FAM168A: variants seen among roughly 807,000 people sequenced by gnomAD.
FAM168A encodes the protein protein FAM168A.
FAM168A carries 3 observed loss-of-function variants against 28.5 expected under a neutral mutation model. That is an observed-to-expected ratio of 0.11 (90% CI 0.05 to 0.27). The LOEUF (loss-of-function observed/expected upper bound fraction) is 0.27, where lower values mean the gene tolerates loss of function less well. Among genes scored for constraint, FAM168A ranks in the 10% least tolerant of loss-of-function variants. The pLI is 1.00. For synonymous variants in FAM168A, 122 were observed against 124.2 expected, an observed-to-expected ratio of 0.98 and a Z score of 0.12; for missense variants, 222 against 311.5, an observed-to-expected ratio of 0.71 and a Z score of 2.16.
At chr11:73,466,029 T>C (rs1332217350) in intron 2 of FAM168A, among the ~76,000 whole-genome samples, 1 of 152,158 alleles carries the variant, frequency 6.6e-6, no homozygotes, top group Non-Finnish European at 1.5e-5. Flanking sequence ...CTTACTGGAA[T>C]ACTGCACCAC....
chr11:73,430,970 C>T (rs1196368757), intron 2 of FAM168A, among the ~76,000 whole-genome samples, 200 bp from the exon 3 acceptor site: 1 of 152,050 alleles, frequency 6.6e-6, no homozygotes, highest in Non-Finnish European at 1.5e-5. Context: ...ATACCAAAAT[C>T]CCAATATATG....
At chr11:73,520,912 A>C (rs1199763778) in intron 1 of FAM168A, among the ~76,000 whole-genome samples, 2 of 152,118 alleles carry the variant, frequency 1.3e-5, no homozygotes, top group African/African-American at 4.8e-5. Flanking sequence ...AGCAGCTAAA[A>C]AAAAAAACAG....
rs1274174532 is a variant in FAM168A, at chr11:73,526,115, A to G, written c.-18-57623T>C. On this transcript the variant is annotated intron_variant, in intron 1 of 7. Transcript: ENST00000356467. ...AAAATCAAAAATATTTGCACCATGT[A>G]TATCAAAAGAATTAATACTCTTAAC... Among the ~76,000 whole-genome samples the G allele has an allele frequency of 2.6e-5, 4 of 152,226 alleles. No individual in the cohort carries two copies. In the East Asian group the frequency reaches 7.7e-4, roughly 29 times the overall value.
In FAM168A at chr11:73,445,419, C is replaced by CTTTTTTTTTTTTTTTTTTT. The variant is rs56294455; in HGVS notation, c.71-14668_71-14650dup. ...CCAGTAGATATATGTAAAAATGTCTCTTTTTTTTTTTTTTTTTTTTTTTTT... is the reference window on the plus strand; with the variant it reads ...CCAGTAGATATATGTAAAAATGTCTCTTTTTTTTTTTTTTTTTTTTTTTTTTTTTTTTTTTTTTTTTTTT... On this transcript the variant is annotated intron_variant, in intron 2 of 7. Coordinates refer to ENST00000356467, the MANE Select transcript of FAM168A (RefSeq NM_015159.3). Among the ~76,000 whole-genome samples, 30 of 50,458 alleles carry CTTTTTTTTTTTTTTTTTTT rather than the reference C, an allele frequency of 5.9e-4. 3 individuals are homozygous for CTTTTTTTTTTTTTTTTTTT. The highest frequency in any genetic ancestry group is 1.4e-3 in the African/African-American group (19 of 14,030). The allele number at this position is 50,458 out of a possible 152,430, so 33.1% of individuals were successfully genotyped here.
chr11:73,412,741 CT>C (rs1331800369), intron 4 of FAM168A, among the ~76,000 whole-genome samples: 1 of 152,180 alleles, frequency 6.6e-6, no homozygotes, highest in Non-Finnish European at 1.5e-5. Flanking sequence ...TGGGGAGGTG[CT>C]GAGGTGGCTT....
intron 1 of FAM168A, among the ~76,000 whole-genome samples, chr11:73,513,507 G>A (rs1164632898): frequency 6.6e-6 from 1 of 151,568 alleles, no homozygotes; most frequent in Admixed American, 6.6e-5. Flanking sequence ...TGAGCACCGC[G>A]CCCCACCCAG....
At chr11:73,470,092 T>C (rs891675078) in intron 1 of FAM168A, among the ~76,000 whole-genome samples, 1 of 152,190 alleles carries the variant, frequency 6.6e-6, no homozygotes, top group South Asian at 2.1e-4. Flanking sequence ...TTTGTATTTT[T>C]AGTAGACAGG....
At chr11:73,582,773 G>C (rs570507211) in intron 1 of FAM168A, among the ~76,000 whole-genome samples, 1 of 152,278 alleles carries the variant, frequency 6.6e-6, no homozygotes, top group South Asian at 2.1e-4. Flanking sequence ...GCAATCATAA[G>C]GTCCCGTCTT....
intron 1 of FAM168A, among the ~76,000 whole-genome samples, chr11:73,574,155 CTTAATACTAAT>C (rs1471125685): frequency 6.6e-6 from 1 of 152,144 alleles, no homozygotes; most frequent in Non-Finnish European, 1.5e-5. Context: ...CTAAGCCCCA[CTTAATACTAAT>C]TATGAATGTC....
chr11:73,471,296 T>C (rs1471475897), intron 1 of FAM168A, among the ~76,000 whole-genome samples: 1 of 152,180 alleles, frequency 6.6e-6, no homozygotes, highest in Non-Finnish European at 1.5e-5. Flanking sequence ...GGTAGTCCTT[T>C]AACTTCTGAG....
chr11:73,424,943 G>A, intron 3 of FAM168A: 1 of 1,212,466 alleles, frequency 8.2e-7, no homozygotes, highest in Non-Finnish European at 1.1e-6. Flanking sequence ...TTGGGGAGGA[G>A]AGGAGAGGGG....
chr11:73,453,885 T>C (rs1028967051), intron 2 of FAM168A, among the ~76,000 whole-genome samples: 1 of 152,216 alleles, frequency 6.6e-6, no homozygotes, highest in Non-Finnish European at 1.5e-5. Context: ...TCACCATTGA[T>C]TAAGGACCAT....
chr11:73,574,755 G>T (rs1212519112), intron 1 of FAM168A, among the ~76,000 whole-genome samples: 1 of 140,386 alleles, frequency 7.1e-6, no homozygotes, highest in East Asian at 2.1e-4. Flanking sequence ...GTAGAGAAAA[G>T]GTTTCACCAT....
Position 73,412,352 on chromosome 11 carries a change from T to C in FAM168A, c.278-816A>G, listed in dbSNP as rs1385797076. 2.6e-5 allele frequency: 4 copies of C among 152,210 alleles called. No homozygotes were observed. The East Asian group carries it at 7.7e-4, about 29-fold the overall frequency. 9.4% of individuals were successfully genotyped at this position (152,210 alleles called of 1,614,324 possible). A position where few individuals can be genotyped will look rare whatever the true frequency, so the allele number is the denominator to read the frequency against. Reference sequence around the variant, plus strand: ...TCACATCAACCTGGAACCTGGGCCATGTCTGTCCCTCAGCAGGATGGACAA... The same window carrying C: ...TCACATCAACCTGGAACCTGGGCCACGTCTGTCCCTCAGCAGGATGGACAA... On this transcript the variant is annotated intron_variant, in intron 4 of 7. Transcript: ENST00000356467.
At position 73,596,099 on chromosome 11, in the gene FAM168A, AAG is replaced by A. The variant is rs1444276883; in HGVS notation, c.-19+1822_-19+1823del. The stretch of plus-strand genomic sequence containing the variant: ...ATGGCGTCTTCAAGCAATCAATTTA[AAG>A]AGGGGGTAAAAAAGGCCCAAGCTCT... On this transcript the variant is annotated intron_variant, in intron 1 of 7. Transcript: ENST00000356467. 3.3e-5 allele frequency among the ~76,000 whole-genome samples: 5 copies of A among 152,318 alleles called. No individual in the cohort carries two copies. The East Asian group carries it at 9.6e-4, about 29-fold the overall frequency.
Position 73,520,840 on chromosome 11 carries a change from G to T in FAM168A, c.-18-52348C>A, listed in dbSNP as rs112892576. Among the ~76,000 whole-genome samples the T allele has an allele frequency of 7.1e-3, 1,082 of 151,714 alleles. 13 individuals are homozygous for T. The highest frequency in any genetic ancestry group is 0.023 in the African/African-American group (946 of 41,332). The stretch of plus-strand genomic sequence containing the variant: ...GCCATTCAAAAAAAAAAAAGATGTG[G>T]TTATATATTATTTTAAACCACTGTC... On this transcript the variant is annotated intron_variant, in intron 1 of 7. Coordinates refer to ENST00000356467, the MANE Select transcript of FAM168A (RefSeq NM_015159.3).
At chr11:73,424,975 A>G (rs866774091) in intron 3 of FAM168A, 1 of 1,451,930 alleles carries the variant, frequency 6.9e-7, no homozygotes, top group African/African-American at 1.4e-5. Context: ...TTACGAGAGA[A>G]CACATTCATA....
intron 2 of FAM168A, among the ~76,000 whole-genome samples, chr11:73,440,525 G>C (rs1867174805): frequency 6.6e-6 from 1 of 152,156 alleles, no homozygotes; most frequent in African/African-American, 2.4e-5. Context: ...AGCTACAAGG[G>C]AGACTGAGGT....
chr11:73,453,750 T>A (rs1217416466), intron 2 of FAM168A, among the ~76,000 whole-genome samples: 2 of 152,162 alleles, frequency 1.3e-5, no homozygotes, highest in African/African-American at 4.8e-5. Context: ...GAACAGGCTC[T>A]CCCCACTACA....
Sources: gnomAD v4.1 joint callset for allele counts (sites outside exome capture counted in the v4.1 genomes callset) on GRCh38, gnomAD v4.1.1 for gene constraint, MANE v1.5 for transcripts, NCBI Gene and HGNC (gene_info 2026-07-23, HGNC 2026-07-21) for gene names.